The following CREB5 variants were observed in gnomAD, a reference collection of about 807,000 sequenced individuals.
CREB5 encodes cAMP responsive element binding protein 5.
A neutral mutation model predicts 57.1 loss-of-function variants in CREB5; 19 were observed. That is an observed-to-expected ratio of 0.33 (90% CI 0.23 to 0.49). The LOEUF (loss-of-function observed/expected upper bound fraction) is 0.49. CREB5 is among the 20% of genes least tolerant of loss of function. The pLI is 0.99. For missense variants in CREB5, 579 were observed against 671.6 expected, an observed-to-expected ratio of 0.86 and a Z score of 1.52; for synonymous variants, 238 against 238.3, an observed-to-expected ratio of 1.00 and a Z score of 0.01.
chr7:28,621,688 C>T (rs1389616730), intron 5 of CREB5, among the ~76,000 whole-genome samples: 4 of 152,182 alleles, frequency 2.6e-5, no homozygotes, highest in African/African-American at 9.7e-5. Flanking sequence ...CCCTGAGTAG[C>T]AGAATGTGTC....
intron 1 of CREB5, among the ~76,000 whole-genome samples, chr7:28,374,642 T>C (rs1352718969): frequency 6.6e-6 from 1 of 152,192 alleles, no homozygotes; most frequent in African/African-American, 2.4e-5. Context: ...ATGAAATTTC[T>C]AGAAAAGGTG....
chr7:28,590,683 T>TAATA (rs1796473976), intron 5 of CREB5, among the ~76,000 whole-genome samples: 2 of 130,952 alleles, frequency 1.5e-5, no homozygotes, highest in African/African-American at 7.0e-5. Context: ...ATAATAATAA[T>TAATA]AATAATAATA....
intron 9 of CREB5, among the ~76,000 whole-genome samples, chr7:28,814,083 C>G (rs987412827): frequency 1.3e-5 from 2 of 152,190 alleles, no homozygotes; most frequent in African/African-American, 4.8e-5. Flanking sequence ...GTTTTTATTT[C>G]CCTACTAGAC....
chr7:28,363,483 C>T (rs1440082589), intron 1 of CREB5, among the ~76,000 whole-genome samples: 2 of 151,798 alleles, frequency 1.3e-5, no homozygotes, highest in Non-Finnish European at 2.9e-5. Context: ...CTTCGAAGAC[C>T]ATCTCAAGCA....
At chr7:28,465,017 T>G (rs1790505902) in intron 1 of CREB5, among the ~76,000 whole-genome samples, 1 of 152,190 alleles carries the variant, frequency 6.6e-6, no homozygotes, top group Non-Finnish European at 1.5e-5. Context: ...AAACTATTAG[T>G]AGGGGTACTC....
chr7:28,660,565 C>T (rs145438344), intron 5 of CREB5, among the ~76,000 whole-genome samples: 1 of 152,042 alleles, frequency 6.6e-6, no homozygotes, highest in East Asian at 1.9e-4. Context: ...TAAATTGCAC[C>T]ATCCAGTACT....
rs79466088 is a variant in CREB5 at position 28,324,877 on chromosome 7, T to C, written c.-25+25436T>C. 1.7e-3 allele frequency among the ~76,000 whole-genome samples: 255 copies of C among 152,302 alleles called. 2 individuals carry two copies. Among genetic ancestry groups the C allele is most frequent in the African/African-American group, 5.8e-3 (243 of 41,570 alleles). ...TTCACAATCATCCTATCTCAGTAAA[T>C]AGCCCTGTCATCCACTTAGCTACTG... On this transcript the variant is annotated intron_variant, in intron 1 of 9. Coordinates refer to the CREB5 transcript ENST00000396299.
At chr7:28,388,262 C>G (rs182484134) in intron 1 of CREB5, among the ~76,000 whole-genome samples, 333 of 152,302 alleles carry the variant, frequency 2.2e-3, no homozygotes, top group Non-Finnish European at 2.2e-3. Flanking sequence ...TATGAATTTT[C>G]AGAGAATATG....
At chr7:28,633,582 C>T (rs1233684971) in intron 5 of CREB5, among the ~76,000 whole-genome samples, 1 of 152,172 alleles carries the variant, frequency 6.6e-6, no homozygotes, top group Non-Finnish European at 1.5e-5. Context: ...GCAAGGTGCT[C>T]ACACAGTGGT....
At chr7:28,642,125 T>C (rs1481836663) in intron 5 of CREB5, among the ~76,000 whole-genome samples, 1 of 152,250 alleles carries the variant, frequency 6.6e-6, no homozygotes, top group Admixed American at 6.5e-5. Flanking sequence ...GCCTTTGTTT[T>C]AAGTTCAGCA....
chr7:28,346,425 G>A (rs182897663), intron 1 of CREB5, among the ~76,000 whole-genome samples: 1 of 152,162 alleles, frequency 6.6e-6, no homozygotes, highest in Non-Finnish European at 1.5e-5. Context: ...TCCCATTCAC[G>A]AGGGCTCCAC....
chr7:28,788,508 T>C (rs189426530), intron 7 of CREB5, among the ~76,000 whole-genome samples: 5 of 152,388 alleles, frequency 3.3e-5, no homozygotes, highest in Admixed American at 1.3e-4. Flanking sequence ...TAATCTATCA[T>C]GTTACAGTGC....
intron 4 of CREB5, among the ~76,000 whole-genome samples, chr7:28,536,811 A>G (rs1793982996): frequency 6.6e-6 from 1 of 152,212 alleles, no homozygotes; most frequent in Non-Finnish European, 1.5e-5. Flanking sequence ...CTAAAAAAGT[A>G]GCTATTTTAT....
intron 4 of CREB5, among the ~76,000 whole-genome samples, chr7:28,511,749 G>C (rs978488570): frequency 2.6e-5 from 4 of 152,234 alleles, no homozygotes; most frequent in African/African-American, 9.6e-5. Flanking sequence ...GCCTCCCAAA[G>C]TGCTGGGATT....
intron 5 of CREB5, among the ~76,000 whole-genome samples, chr7:28,579,831 A>G (rs752481052): frequency 6.6e-6 from 1 of 152,202 alleles, no homozygotes; most frequent in Non-Finnish European, 1.5e-5. Context: ...GCCATTGAAC[A>G]CTTGTCAGAT....
intron 1 of CREB5, among the ~76,000 whole-genome samples, chr7:28,452,415 T>C (rs2128568837): frequency 6.6e-6 from 1 of 152,290 alleles, no homozygotes; most frequent in Admixed American, 6.5e-5. Context: ...ATGCCCTAAA[T>C]GTAATATAAC....
At chr7:28,793,858 C>G (rs118191058) in intron 7 of CREB5, among the ~76,000 whole-genome samples, 3,864 of 152,346 alleles carry the variant, frequency 0.025, 80 homozygotes, top group Middle Eastern at 0.041. Flanking sequence ...TAGAGTTGCT[C>G]TCTGTCCAGC....
chr7:28,452,890 G>A (rs1789893975), intron 1 of CREB5, among the ~76,000 whole-genome samples: 1 of 152,204 alleles, frequency 6.6e-6, no homozygotes, highest in Non-Finnish European at 1.5e-5. Context: ...TGGGACCAAT[G>A]GGGAAAGCAG....
Position 28,628,072 on chromosome 7 carries a change from TTTCTCTTA to T in CREB5, c.464+57548_464+57555del, listed in dbSNP as rs1048273195. Among the ~76,000 whole-genome samples the T allele has an allele frequency of 2.6e-5, 4 of 152,144 alleles. No homozygotes were observed. In the East Asian group the frequency reaches 5.8e-4, roughly 22 times the overall value. ...GAAACTTCCCAGTTCAGTGAAGGGA[TTTCTCTTA>T]TTCTCTTATTCTAACAGGCAGCCAG... On this transcript the variant is annotated intron_variant, in intron 5 of 10. Transcript: ENST00000357727.
Sources: gnomAD v4.1 joint callset for allele counts (sites outside exome capture counted in the v4.1 genomes callset) on GRCh38, gnomAD v4.1.1 for gene constraint, MANE v1.5 for transcripts, NCBI Gene and HGNC (gene_info 2026-07-23, HGNC 2026-07-21) for gene names.